The following RASSF3 variants were observed in gnomAD, a reference collection of about 807,000 sequenced individuals.
RASSF3 encodes the protein Ras association domain family member 3, also known as ras association domain-containing protein 3.
A neutral mutation model predicts 19.9 loss-of-function variants in RASSF3; 19 were observed. That is an observed-to-expected ratio of 0.96 (90% confidence interval 0.67 to 1.40). The LOEUF (loss-of-function observed/expected upper bound fraction) is 1.40, where lower values mean the gene tolerates loss of function less well. Among genes scored for constraint, RASSF3 ranks in the 40% most tolerant of loss-of-function variants. The pLI, the probability that RASSF3 is intolerant of heterozygous loss-of-function variation, is 0.00. For missense variants in RASSF3, 306 were observed against 289.8 expected (o/e 1.06, Z -0.41); for synonymous variants, 110 against 104.2 (o/e 1.06, Z -0.34).
At chr12:64,642,193 C>T (rs1871559799) in intron 1 of RASSF3, among the ~76,000 whole-genome samples, 1 of 152,012 alleles carries the variant, frequency 6.6e-6, no homozygotes, top group African/African-American at 2.4e-5. Context: ...TATCTTCTGG[C>T]TTAGCAATTG....
chr12:64,663,591 C>T (rs896153092), intron 1 of RASSF3, among the ~76,000 whole-genome samples: 6 of 151,524 alleles, frequency 4.0e-5, no homozygotes, highest in Admixed American at 2.6e-4. Flanking sequence ...GTGTAATCTC[C>T]GCTTCCCAGG....
intron 1 of RASSF3, among the ~76,000 whole-genome samples, chr12:64,671,240 C>T (rs1343415835): frequency 6.6e-6 from 1 of 152,160 alleles, no homozygotes; most frequent in Non-Finnish European, 1.5e-5. Context: ...CTTTTTCCCT[C>T]TGCAAGTATT....
intron 1 of RASSF3, among the ~76,000 whole-genome samples, chr12:64,534,462 T>A (rs1032791746): frequency 2.0e-5 from 3 of 152,130 alleles, no homozygotes; most frequent in Admixed American, 2.0e-4. Flanking sequence ...GCCACTGCAC[T>A]CTAGCCTGGG....
chr12:64,531,267 A>G (rs1214495900), upstream of RASSF3, among the ~76,000 whole-genome samples: 1 of 152,254 alleles, frequency 6.6e-6, no homozygotes, highest in Non-Finnish European at 1.5e-5. Flanking sequence ...TATGCAAAAA[A>G]GATATGAATA....
chr12:64,690,516 C>G (rs1251821962), intron 3 of RASSF3, among the ~76,000 whole-genome samples: 1 of 152,048 alleles, frequency 6.6e-6, no homozygotes, highest in African/African-American at 2.4e-5. Flanking sequence ...TACTCTGTCA[C>G]CTAGGCTGGA....
At chr12:64,521,770 T>G (rs1010848028) in intron 1 of RASSF3, among the ~76,000 whole-genome samples, 72 of 152,226 alleles carry the variant, frequency 4.7e-4, no homozygotes, top group African/African-American at 1.7e-3. Flanking sequence ...CCTCTTTATT[T>G]TGACCAAAGG....
chr12:64,649,636 A>G (rs1871868280), intron 1 of RASSF3, among the ~76,000 whole-genome samples: 1 of 152,186 alleles, frequency 6.6e-6, no homozygotes. Context: ...CTCAGGAAAA[A>G]TCATGCCGTC....
chr12:64,629,211 C>T (rs1385179960), intron 1 of RASSF3, among the ~76,000 whole-genome samples: 2 of 151,962 alleles, frequency 1.3e-5, no homozygotes, highest in African/African-American at 4.8e-5. Flanking sequence ...AAGCAATCCT[C>T]CCACCTCAGC....
chr12:64,630,293 A>G (rs1335748873), intron 1 of RASSF3, among the ~76,000 whole-genome samples: 1 of 152,204 alleles, frequency 6.6e-6, no homozygotes, highest in Non-Finnish European at 1.5e-5. Context: ...TGGGAGGCTG[A>G]GGCAGGAGGA....
chr12:64,529,558 T>C (rs541789181), upstream of RASSF3, among the ~76,000 whole-genome samples: 17 of 152,272 alleles, frequency 1.1e-4, no homozygotes, highest in South Asian at 3.3e-3. Context: ...GAGAGAAGAC[T>C]TTCCTGGCAA....
At chr12:64,574,310 T>TAA (rs879703990) in intron 2 of RASSF3, among the ~76,000 whole-genome samples, 12 of 135,670 alleles carry the variant, frequency 8.8e-5, no homozygotes, top group African/African-American at 2.2e-4. Context: ...GACTCTGTCT[T>TAA]AAAAAAAAAA....
intron 1 of RASSF3, among the ~76,000 whole-genome samples, chr12:64,678,212 G>C (rs1341179998): frequency 6.6e-6 from 1 of 152,208 alleles, no homozygotes; most frequent in African/African-American, 2.4e-5. Context: ...AAAGGTGCTT[G>C]ATGTTTTGCT....
chr12:64,598,400 T>C (rs1870030988), intron 2 of RASSF3, among the ~76,000 whole-genome samples: 1 of 152,264 alleles, frequency 6.6e-6, no homozygotes, highest in Non-Finnish European at 1.5e-5. Context: ...TCTTCTTTTA[T>C]GTCTTACCCA....
chr12:64,545,922 C>T (rs1391923459), downstream of RASSF3, among the ~76,000 whole-genome samples: 2 of 151,804 alleles, frequency 1.3e-5, no homozygotes, highest in Non-Finnish European at 1.5e-5. Flanking sequence ...AGTGAAACCC[C>T]GTCTCTACTA....
intron 2 of RASSF3, among the ~76,000 whole-genome samples, chr12:64,577,742 C>A (rs1278751535): frequency 6.6e-6 from 1 of 151,470 alleles, no homozygotes; most frequent in Non-Finnish European, 1.5e-5. Flanking sequence ...AAAACAAAAT[C>A]AAAAACAAAA....
At chr12:64,535,429 A>G (rs1868803478) in intron 1 of RASSF3, among the ~76,000 whole-genome samples, 1 of 152,028 alleles carries the variant, frequency 6.6e-6, no homozygotes, top group Non-Finnish European at 1.5e-5. Flanking sequence ...CAGTGGTGCA[A>G]TCATGGCACA....
chr12:64,665,964 T>C (rs1469128900), intron 1 of RASSF3, among the ~76,000 whole-genome samples: 2 of 152,256 alleles, frequency 1.3e-5, no homozygotes, highest in Non-Finnish European at 2.9e-5. Flanking sequence ...TGTTCTCAGT[T>C]ACTCTGAACA....
chr12:64,516,261 G>A (rs1178996253), intron 1 of RASSF3, among the ~76,000 whole-genome samples: 1 of 152,112 alleles, frequency 6.6e-6, no homozygotes, highest in African/African-American at 2.4e-5. Context: ...AGGTAATATT[G>A]TTCTAAATAT....
At chr12:64,693,387 T>C (rs1188082056) in intron 4 of RASSF3, among the ~76,000 whole-genome samples, 3 of 151,814 alleles carry the variant, frequency 2.0e-5, no homozygotes, top group Non-Finnish European at 2.9e-5. Flanking sequence ...TGACATTCAC[T>C]GCTTCTATTT....
Sources: gnomAD v4.1 joint callset for allele counts (sites outside exome capture counted in the v4.1 genomes callset) on GRCh38, gnomAD v4.1.1 for gene constraint, MANE v1.5 for transcripts, NCBI Gene and HGNC (gene_info 2026-07-23, HGNC 2026-07-21) for gene names.